Variants in EMCN observed in about 807,000 individuals in gnomAD.
The protein encoded by EMCN is endomucin.
Under a neutral mutation model 38.4 loss-of-function variants are expected in EMCN, and 37 were observed. The observed-to-expected ratio is 0.96, with a 90% CI of 0.74 to 1.27. The LOEUF (loss-of-function observed/expected upper bound fraction) is 1.27. EMCN is among the 50% of genes most tolerant of loss of function. EMCN has a pLI of 0.00. For missense variants in EMCN, 318 were observed against 302.8 expected (o/e 1.05, Z -0.37); for synonymous variants, 95 against 100.8 (o/e 0.94, Z 0.35).
chr4:100,481,898 T>G (rs1461487424), intron 1 of EMCN, among the ~76,000 whole-genome samples: 1 of 151,498 alleles, frequency 6.6e-6, no homozygotes, highest in Non-Finnish European at 1.5e-5. Context: ...CCCTTCCTTC[T>G]TTCCTCCCTC....
chr4:100,485,794 C>CAT (rs1163655860), intron 1 of EMCN, among the ~76,000 whole-genome samples: 2 of 151,950 alleles, frequency 1.3e-5, no homozygotes, highest in Admixed American at 1.3e-4. Context: ...TGATCCATGG[C>CAT]CAACCACATT....
chr4:100,440,851 C>G (rs888873183), intron 5 of EMCN, among the ~76,000 whole-genome samples: 1 of 151,784 alleles, frequency 6.6e-6, no homozygotes, highest in Non-Finnish European at 1.5e-5. Flanking sequence ...TTTGGGAGGC[C>G]AAGGCAGGCA....
intron 11 of EMCN, among the ~76,000 whole-genome samples, chr4:100,407,384 C>T (rs1726424011): frequency 1.3e-5 from 2 of 152,158 alleles, no homozygotes; most frequent in Admixed American, 6.6e-5. Context: ...ATATTCAGCA[C>T]TCCCTATGAA....
intron 3 of EMCN, among the ~76,000 whole-genome samples, chr4:100,468,148 C>A (rs2110266605): frequency 6.6e-6 from 1 of 152,232 alleles, no homozygotes; most frequent in African/African-American, 2.4e-5. Context: ...AAGAATTTAA[C>A]ACAAGAGATG....
intron 3 of EMCN, among the ~76,000 whole-genome samples, chr4:100,471,263 A>G (rs994335681): frequency 1.3e-5 from 2 of 151,930 alleles, no homozygotes; most frequent in Non-Finnish European, 2.9e-5. Flanking sequence ...AAGAGGATTC[A>G]TTATTACCAA....
At chr4:100,456,180 A>T (rs1205534416) in intron 4 of EMCN, among the ~76,000 whole-genome samples, 1 of 152,082 alleles carries the variant, frequency 6.6e-6, no homozygotes, top group Non-Finnish European at 1.5e-5. Context: ...GGGGTGTCCC[A>T]CACCTCACTG....
At chr4:100,493,099 G>A (rs1400681854) in intron 1 of EMCN, among the ~76,000 whole-genome samples, 1 of 152,074 alleles carries the variant, frequency 6.6e-6, no homozygotes, top group Non-Finnish European at 1.5e-5. Context: ...CTACCATTAG[G>A]TTATGTTCCT....
At chr4:100,479,530 C>A (rs1728750859) in intron 2 of EMCN, among the ~76,000 whole-genome samples, 1 of 151,958 alleles carries the variant, frequency 6.6e-6, no homozygotes, top group African/African-American at 2.4e-5. Context: ...AGAATGCAAC[C>A]AACAAAACCA....
intron 4 of EMCN, among the ~76,000 whole-genome samples, chr4:100,460,149 T>C (rs916116741): frequency 6.6e-6 from 1 of 152,168 alleles, no homozygotes; most frequent in East Asian, 1.9e-4. Context: ...CTCATAGTGG[T>C]TTTAATTTGC....
chr4:100,493,210 A>G (rs985886719), intron 1 of EMCN, among the ~76,000 whole-genome samples: 6 of 152,172 alleles, frequency 3.9e-5, no homozygotes, highest in Admixed American at 2.0e-4. Context: ...TGAAAACTTA[A>G]TCTCCTCCCT....
At chr4:100,418,563 G>A (rs1045319916) in intron 8 of EMCN, among the ~76,000 whole-genome samples, 50 of 151,928 alleles carry the variant, frequency 3.3e-4, no homozygotes, top group African/African-American at 1.1e-3. Context: ...CCAGCTTCTG[G>A]TAGCCATCCT....
At chr4:100,486,818 G>A in intron 1 of EMCN, 1 of 979,082 alleles carries the variant, frequency 1.0e-6, no homozygotes, top group Non-Finnish European at 1.2e-6. Flanking sequence ...TGTCCTGGCT[G>A]ACAAATGGAT....
chr4:100,511,383 G>A (rs566780180), intron 1 of EMCN, among the ~76,000 whole-genome samples: 2 of 152,226 alleles, frequency 1.3e-5, no homozygotes, highest in Middle Eastern at 3.4e-3. Flanking sequence ...AACTTGGACC[G>A]TTCCCAACTG....
intron 1 of EMCN, 31 bp downstream of exon 1, chr4:100,517,820 G>C: frequency 6.2e-7 from 1 of 1,606,076 alleles, no homozygotes; most frequent in Admixed American, 1.7e-5. Flanking sequence ...TTTCCAATCC[G>C]TACCACCAGA....
chr4:100,467,130 C>T (rs1728338386), intron 3 of EMCN, among the ~76,000 whole-genome samples: 2 of 152,070 alleles, frequency 1.3e-5, no homozygotes, highest in Admixed American at 6.6e-5. Flanking sequence ...GAATATACTT[C>T]ACAAATGAGA....
chr4:100,473,139 C>T (rs1312959027), intron 3 of EMCN, among the ~76,000 whole-genome samples: 6 of 149,474 alleles, frequency 4.0e-5, no homozygotes, highest in Admixed American at 3.3e-4. Flanking sequence ...CTCAGCCTCC[C>T]GGGTAGCTGG....
At chr4:100,412,781 T>A (rs1206180203) in intron 10 of EMCN, among the ~76,000 whole-genome samples, 1 of 152,176 alleles carries the variant, frequency 6.6e-6, no homozygotes, top group African/African-American at 2.4e-5. Context: ...TAAACATGCA[T>A]GAGTTACAGT....
At chr4:100,398,566 C>G (rs1271417426) in intron 11 of EMCN, among the ~76,000 whole-genome samples, 193 bp from the exon 12 acceptor site, 1 of 152,044 alleles carries the variant, frequency 6.6e-6, no homozygotes, top group Non-Finnish European at 1.5e-5. Flanking sequence ...AAAAGAAAAG[C>G]TCGTTTTCTT....
intron 5 of EMCN, among the ~76,000 whole-genome samples, chr4:100,446,856 C>G (rs892406562): frequency 6.6e-6 from 1 of 152,106 alleles, no homozygotes; most frequent in African/African-American, 2.4e-5. Context: ...GTTTTCTGTT[C>G]CTGTTTCATT....
Sources: allele counts gnomAD v4.1 joint callset (sites outside exome capture counted in the v4.1 genomes callset), GRCh38; gene constraint gnomAD v4.1.1; transcripts MANE v1.5; gene names NCBI Gene and HGNC (gene_info 2026-07-23, HGNC 2026-07-21).